Variants in TSC22D1 observed in about 807,000 individuals in gnomAD.
TSC22D1 encodes the protein TSC22 domain family protein 1.
A neutral mutation model predicts 74.2 loss-of-function variants in TSC22D1; 9 were observed. That is an observed-to-expected ratio of 0.12 (90% CI 0.07 to 0.21). The LOEUF (loss-of-function observed/expected upper bound fraction) is 0.21, where lower values mean the gene tolerates loss of function less well. TSC22D1 is among the 10% of genes least tolerant of loss of function. TSC22D1 has a pLI of 1.00. For missense variants in TSC22D1, 1,427 were observed against 1,304.7 expected (o/e 1.09, Z -1.44); for synonymous variants, 586 against 492.5 (o/e 1.19, Z -2.51).
chr13:44,436,217 A>G (rs956592109), intron 1 of TSC22D1, 122 bp from the exon 2 acceptor site: 2 of 1,151,620 alleles, frequency 1.7e-6, no homozygotes, highest in African/African-American at 3.2e-5. Flanking sequence ...ATTTAACACT[A>G]TGTAATGTAT....
At chr13:44,463,841 T>A (rs1043055871) in intron 1 of TSC22D1, among the ~76,000 whole-genome samples, 3 of 152,206 alleles carry the variant, frequency 2.0e-5, no homozygotes, top group Non-Finnish European at 4.4e-5. Context: ...TTTTGAGTTA[T>A]CTTACATGTA....
chr13:44,527,426 C>A (rs1248700366), intron 1 of TSC22D1, among the ~76,000 whole-genome samples: 1 of 151,998 alleles, frequency 6.6e-6, no homozygotes, highest in Non-Finnish European at 1.5e-5. Flanking sequence ...TTATAAGGTA[C>A]CAGCACTGCC....
intron 1 of TSC22D1, among the ~76,000 whole-genome samples, chr13:44,561,722 C>T (rs867582185): frequency 6.6e-6 from 1 of 152,032 alleles, no homozygotes. Flanking sequence ...TTCCCAAATG[C>T]GATTAGATTT....
chr13:44,569,947 T>C (rs1267268610), intron 1 of TSC22D1, among the ~76,000 whole-genome samples: 1 of 152,272 alleles, frequency 6.6e-6, no homozygotes, highest in South Asian at 2.1e-4. Flanking sequence ...TAATTGAATG[T>C]GTACAGTGCT....
At chr13:44,457,517 G>A (rs73188732) in intron 1 of TSC22D1, among the ~76,000 whole-genome samples, 15,054 of 151,396 alleles carry the variant, frequency 0.099, 780 homozygotes, top group Non-Finnish European at 0.11. Flanking sequence ...CACAAACAAC[G>A]CATGGAAATA....
At chr13:44,507,528 T>G (rs1011614226) in intron 1 of TSC22D1, among the ~76,000 whole-genome samples, 2 of 151,992 alleles carry the variant, frequency 1.3e-5, no homozygotes, top group African/African-American at 4.8e-5. Flanking sequence ...CCCCTATAGC[T>G]AACACAGGAG....
chr13:44,479,766 C>A (rs2137929025), intron 1 of TSC22D1, among the ~76,000 whole-genome samples: 1 of 152,286 alleles, frequency 6.6e-6, no homozygotes, highest in African/African-American at 2.4e-5. Context: ...AAGGTTAAAA[C>A]AAGATTAGAT....
upstream of TSC22D1, chr13:44,576,334 C>T (rs1595187507): frequency 2.5e-5 from 12 of 488,074 alleles, no homozygotes; most frequent in East Asian, 3.0e-4. Flanking sequence ...TCACTTTCCC[C>T]TCTAGCCTCA....
In TSC22D1 at chr13:44,432,488, CT is replaced by C. The variant is rs1874127868; in HGVS notation, c.*2137del. On this transcript the variant is annotated 3_prime_UTR_variant, in exon 3 of 3. Coordinates refer to ENST00000458659, the MANE Select transcript of TSC22D1 (RefSeq NM_183422.4). ...AATATGAAAGATTTTTCTTTACGTC[CT>C]TTTCAAATTCCCCCAAAATATCTTT... 6.6e-6 allele frequency: 1 copy of C among 152,180 alleles called. No individual in the cohort carries two copies. The highest frequency in any genetic ancestry group is 2.4e-5 in the African/African-American group (1 of 41,440). The allele number at this position is 152,180 out of a possible 1,614,324, so 9.4% of individuals were successfully genotyped here. A position where few individuals can be genotyped will look rare whatever the true frequency, so the allele number is the denominator to read the frequency against.
At chr13:44,566,171 A>G (rs1051016936) in intron 1 of TSC22D1, among the ~76,000 whole-genome samples, 4 of 152,176 alleles carry the variant, frequency 2.6e-5, no homozygotes, top group Admixed American at 6.5e-5. Context: ...GTTTTCAGAC[A>G]CTCTTAAAAA....
At chr13:44,490,733 AC>A (rs1352675355) in intron 1 of TSC22D1, among the ~76,000 whole-genome samples, 1 of 152,100 alleles carries the variant, frequency 6.6e-6, no homozygotes, top group African/African-American at 2.4e-5. Context: ...CCCCGTCTCT[AC>A]TAAAAATACA....
intron 1 of TSC22D1, among the ~76,000 whole-genome samples, chr13:44,490,293 G>A (rs1878638722): frequency 6.6e-6 from 1 of 151,268 alleles, no homozygotes; most frequent in East Asian, 1.9e-4. Context: ...AGTGTTAGAG[G>A]TCTGTAGAGG....
At chr13:44,461,736 C>A (rs997951137) in intron 1 of TSC22D1, among the ~76,000 whole-genome samples, 1 of 152,024 alleles carries the variant, frequency 6.6e-6, no homozygotes, top group African/African-American at 2.4e-5. Flanking sequence ...TCTAATCCCC[C>A]AAAACACTGA....
chr13:44,469,782 C>T (rs572762014), intron 1 of TSC22D1, among the ~76,000 whole-genome samples: 1 of 152,220 alleles, frequency 6.6e-6, no homozygotes, highest in African/African-American at 2.4e-5. Flanking sequence ...ACTTACTCGT[C>T]TACTATGAAG....
chr13:44,446,829 AGAG>A (rs1441619025), intron 1 of TSC22D1, among the ~76,000 whole-genome samples: 44 of 131,412 alleles, frequency 3.3e-4, no homozygotes, highest in African/African-American at 1.2e-3. Flanking sequence ...AGGAGGAAGA[AGAG>A]GAGGAGGAAG....
intron 1 of TSC22D1, among the ~76,000 whole-genome samples, chr13:44,446,708 G>A (rs553649510): frequency 5.6e-4 from 83 of 147,128 alleles, no homozygotes; most frequent in African/African-American, 2.0e-3. Flanking sequence ...AAAATGAAAA[G>A]ATGACTGCCC....
chr13:44,454,524 T>C (rs1328078617), intron 1 of TSC22D1, among the ~76,000 whole-genome samples: 2 of 152,166 alleles, frequency 1.3e-5, no homozygotes, highest in African/African-American at 4.8e-5. Flanking sequence ...GCAATTCTTC[T>C]CCAGCCTGAA....
At chr13:44,543,641 A>G (rs1024419308) in intron 1 of TSC22D1, among the ~76,000 whole-genome samples, 1 of 152,262 alleles carries the variant, frequency 6.6e-6, no homozygotes, top group South Asian at 2.1e-4. Context: ...AGACCCTAGA[A>G]AAGTGCTTGG....
intron 1 of TSC22D1, among the ~76,000 whole-genome samples, chr13:44,556,801 G>A (rs1882670940): frequency 6.6e-6 from 1 of 152,066 alleles, no homozygotes; most frequent in African/African-American, 2.4e-5. Context: ...ACAAGGCGGA[G>A]GTTGCAGTGA....
Sources: gnomAD v4.1 joint callset for allele counts (sites outside exome capture counted in the v4.1 genomes callset) on GRCh38, gnomAD v4.1.1 for gene constraint, MANE v1.5 for transcripts, NCBI Gene and HGNC (gene_info 2026-07-23, HGNC 2026-07-21) for gene names.